KCTD4: variants seen among roughly 807,000 people sequenced by gnomAD.
The protein encoded by KCTD4 is potassium channel tetramerization domain containing 4.
A neutral mutation model predicts 18.3 loss-of-function variants in KCTD4; 12 were observed. The observed-to-expected ratio is 0.66, with a 90% CI of 0.42 to 1.06. The LOEUF (loss-of-function observed/expected upper bound fraction) is 1.06. Among genes scored for constraint, KCTD4 ranks in the 50% least tolerant of loss-of-function variants. The pLI is 0.00. For missense variants in KCTD4, 250 were observed against 303.4 expected (o/e 0.82, Z 1.31); for synonymous variants, 124 against 110.5 (o/e 1.12, Z -0.76).
intron 1 of KCTD4, among the ~76,000 whole-genome samples, chr13:45,198,174 A>G (rs1237027590): frequency 1.3e-5 from 2 of 152,236 alleles, no homozygotes; most frequent in Non-Finnish European, 1.5e-5. Context: ...AGAACCTTCC[A>G]CTATGAGGTA....
intron 1 of KCTD4, among the ~76,000 whole-genome samples, chr13:45,200,434 A>C (rs1267621124): frequency 1.3e-5 from 2 of 152,026 alleles, no homozygotes; most frequent in Admixed American, 1.3e-4. Context: ...AAACTCCCGT[A>C]TAGTTGGGGC....
At position 45,193,667 on chromosome 13, in the gene KCTD4, T is replaced by C. The variant is rs987373780; in HGVS notation, c.*121A>G. 3 of 843,058 alleles carry C rather than the reference T, an allele frequency of 3.6e-6. No homozygotes were observed. The Admixed American group carries it at 7.7e-5, about 22-fold the overall frequency. The allele number at this position is 843,058 out of a possible 1,614,324, so 52.2% of individuals were successfully genotyped here. ...CATACCGTTAGCTCACAGTAATTGATTAGTAGCAGGGCTCTGTAGTACAGA... is the reference window on the plus strand; with the variant it reads ...CATACCGTTAGCTCACAGTAATTGACTAGTAGCAGGGCTCTGTAGTACAGA... On this transcript the variant is annotated 3_prime_UTR_variant, in exon 2 of 2. Transcript: ENST00000379108.
intron 1 of KCTD4, among the ~76,000 whole-genome samples, chr13:45,196,633 C>T (rs988744744): frequency 6.6e-6 from 1 of 152,098 alleles, no homozygotes; most frequent in Admixed American, 6.5e-5. Flanking sequence ...TTATAGGATA[C>T]CAGAATTAGT....
rs34555048 is a variant in KCTD4 at position 45,194,121 on chromosome 13, G to A, written c.447C>T (p.His149=). 1.7e-3 allele frequency: 2,803 copies of A among 1,613,904 alleles called. 9 individuals carry two copies. The highest frequency in any genetic ancestry group is 2.2e-3 in the Non-Finnish European group (2,559 of 1,179,836). The change falls in exon 2 of 2, where the codon CAC becomes CAT. Residue 149 remains histidine, a synonymous_variant. Coordinates refer to ENST00000379108, the MANE Select transcript of KCTD4 (RefSeq NM_198404.3). ...ETTFLEITDN[H]DRSQGLRIFC... ...AGATTCTTAATCCTTGTGAACGATCGTGGTTATCTGTTATTTCCAAGAAAG... is the reference window on the plus strand; with the variant it reads ...AGATTCTTAATCCTTGTGAACGATCATGGTTATCTGTTATTTCCAAGAAAG...
rs190181496 is a variant in KCTD4 at position 45,200,652 on chromosome 13, T to C, written c.-188+172A>G. On this transcript the variant is annotated intron_variant, in intron 1 of 1. Coordinates refer to ENST00000379108, the MANE Select transcript of KCTD4 (RefSeq NM_198404.3). ...TACTTCACAAGTAAAGAGCAGCTTTTTAATAATACAGGGATAGAAAGTTTG... is the reference window on the plus strand; with the variant it reads ...TACTTCACAAGTAAAGAGCAGCTTTCTAATAATACAGGGATAGAAAGTTTG... Among the ~76,000 whole-genome samples, 19 of 152,328 alleles carry C rather than the reference T, an allele frequency of 1.2e-4. No individual in the cohort carries two copies. The Middle Eastern group carries it at 0.014, about 109-fold the overall frequency.
At chr13:45,197,852 T>TA (rs1327972079) in intron 1 of KCTD4, among the ~76,000 whole-genome samples, 1 of 152,236 alleles carries the variant, frequency 6.6e-6, no homozygotes, top group Non-Finnish European at 1.5e-5. Context: ...GCCTTGCAGA[T>TA]ACAAACCGGA....
At position 45,193,560 on chromosome 13, in the gene KCTD4, A is replaced by C. The variant is rs1872738923; in HGVS notation, c.*228T>G. On this transcript the variant is annotated 3_prime_UTR_variant, in exon 2 of 2. Coordinates refer to ENST00000379108, the MANE Select transcript of KCTD4 (RefSeq NM_198404.3). ...TCAGTCTTTATTTACAGTATATAGA[A>C]GGTTACTGTTTTCATTTTAGGTGGA... 2.1e-6 allele frequency: 1 copy of C among 481,770 alleles called. No homozygotes were observed. Among genetic ancestry groups the C allele is most frequent in the Non-Finnish European group, 3.6e-6 (1 of 274,608 alleles). The allele number at this position is 481,770 out of a possible 1,614,324, so 29.8% of individuals were successfully genotyped here.
intron 1 of KCTD4, among the ~76,000 whole-genome samples, chr13:45,196,219 G>A (rs1257549341): frequency 1.3e-5 from 2 of 152,172 alleles, no homozygotes; most frequent in Non-Finnish European, 2.9e-5. Flanking sequence ...TTAGAGCTGT[G>A]TTTTTGCTTA....
At chr13:45,198,376 CA>C (rs1317512003) in intron 1 of KCTD4, among the ~76,000 whole-genome samples, 1 of 152,192 alleles carries the variant, frequency 6.6e-6, no homozygotes, top group Non-Finnish European at 1.5e-5. Context: ...GAAACCTTAC[CA>C]GGAGGTTATC....
intron 1 of KCTD4, among the ~76,000 whole-genome samples, chr13:45,200,605 G>T (rs1254495458): frequency 1.3e-5 from 2 of 152,154 alleles, no homozygotes; most frequent in Non-Finnish European, 2.9e-5. Flanking sequence ...AATTCCTGAA[G>T]ATCAAATAGA....
Position 45,194,336 on chromosome 13 carries a change from A to T in KCTD4, c.232T>A (p.Phe78Ile). 6.2e-7 allele frequency: 1 copy of T among 1,614,154 alleles called. No individual in the cohort carries two copies. Among genetic ancestry groups the T allele is most frequent in the Non-Finnish European group, 8.5e-7 (1 of 1,180,020 alleles). Residue 78 changes from phenylalanine to isoleucine, a missense_variant, in exon 2 of 2, where the codon TTC becomes ATC. Phe to Ile is a conservative substitution (Grantham distance 21). Coordinates refer to ENST00000379108, the MANE Select transcript of KCTD4 (RefSeq NM_198404.3). The stretch of plus-strand genomic sequence containing the variant: ...AAGAGGAGACCATCCCTGTCTATGA[A>T]ATAATGACCATCAGCATCAAACGGG... ...LCPFDADGHY[F>I]IDRDGLLFRH...
chr13:45,200,772 G>A (rs899427762), intron 1 of KCTD4, among the ~76,000 whole-genome samples, 52 bp downstream of exon 1: 6 of 152,316 alleles, frequency 3.9e-5, no homozygotes, highest in South Asian at 2.1e-4. Flanking sequence ...TTTTAAATGA[G>A]AAGAAAGGAG....
Position 45,194,230 on chromosome 13 carries a change from T to G in KCTD4, c.338A>C (p.Glu113Ala). 3 of 1,614,178 alleles carry G rather than the reference T, an allele frequency of 1.9e-6. No homozygotes were observed. Among genetic ancestry groups the G allele is most frequent in the Non-Finnish European group, 2.5e-6 (3 of 1,180,022 alleles). The change falls in exon 2 of 2, where the codon GAA (glutamate) becomes GCA (alanine). Residue 113 changes from glutamate (E) to alanine (A), a missense_variant. Coordinates refer to ENST00000379108, the MANE Select transcript of KCTD4 (RefSeq NM_198404.3). ...TCCCTTGAGCTGAAAGAATTCTGCT[T>G]CTTGTGCAAGAAGTTGATTTTCTCG... is the stretch of plus-strand genomic sequence containing the variant. ...GFRENQLLAQ[E>A]AEFFQLKGLA...
chr13:45,197,128 C>G (rs1042389507), intron 1 of KCTD4, among the ~76,000 whole-genome samples: 1 of 151,786 alleles, frequency 6.6e-6, no homozygotes, highest in African/African-American at 2.4e-5. Context: ...ATAACTGAAG[C>G]TTTGTCTTAG....
At chr13:45,197,460 G>C (rs1197941385) in intron 1 of KCTD4, among the ~76,000 whole-genome samples, 1 of 147,536 alleles carries the variant, frequency 6.8e-6, no homozygotes, top group Non-Finnish European at 1.5e-5. Context: ...AGTGAGTGGA[G>C]ATAGCGCCAC....
intron 1 of KCTD4, among the ~76,000 whole-genome samples, chr13:45,197,028 G>GT (rs1277960739): frequency 2.6e-5 from 4 of 151,710 alleles, no homozygotes; most frequent in South Asian, 2.1e-4. Context: ...CTCCTTGATT[G>GT]TTTTTTCTCA....
chr13:45,200,627 T>C (rs550724130), intron 1 of KCTD4, among the ~76,000 whole-genome samples, 197 bp downstream of exon 1: 1 of 152,310 alleles, frequency 6.6e-6, no homozygotes, highest in East Asian at 1.9e-4. Context: ...ATCAGAATAT[T>C]ACTTCACAAG....
At chr13:45,198,760 G>C (rs1315012047) in intron 1 of KCTD4, among the ~76,000 whole-genome samples, 2 of 151,388 alleles carry the variant, frequency 1.3e-5, no homozygotes, top group Non-Finnish European at 2.9e-5. Context: ...TTCACAAGCT[G>C]AGTTTCTTTT....
intron 1 of KCTD4, among the ~76,000 whole-genome samples, chr13:45,198,144 A>G (rs1872995973): frequency 6.6e-6 from 1 of 152,238 alleles, no homozygotes; most frequent in Non-Finnish European, 1.5e-5. Context: ...ATTGGGTCCA[A>G]TGCCTAACTA....
Sources: allele counts gnomAD v4.1 joint callset (sites outside exome capture counted in the v4.1 genomes callset), GRCh38; gene constraint gnomAD v4.1.1; transcripts MANE v1.5; gene names NCBI Gene and HGNC (gene_info 2026-07-23, HGNC 2026-07-21).